CPLX2: variants seen among roughly 807,000 people sequenced by gnomAD.
CPLX2 encodes the protein complexin-2.
CPLX2 carries 5 observed loss-of-function variants against 16.3 expected under a neutral mutation model. The observed-to-expected ratio is 0.31, with a 90% confidence interval of 0.16 to 0.64. The LOEUF (loss-of-function observed/expected upper bound fraction) is 0.64. CPLX2 is among the 30% of genes least tolerant of loss of function. CPLX2 has a pLI of 0.79. For synonymous variants in CPLX2, 89 were observed against 73.2 expected, an observed-to-expected ratio of 1.22 and a Z score of -1.10; for missense variants, 144 against 181.4, an observed-to-expected ratio of 0.79 and a Z score of 1.18.
At chr5:175,869,969 A>C (rs114399374), upstream of CPLX2, among the ~76,000 whole-genome samples, 688 of 152,314 alleles carry the variant, frequency 4.5e-3, 6 homozygotes, top group East Asian at 0.033. Context: ...TTCTTGAAGC[A>C]CATGAAGAAA....
chr5:175,853,517 C>T (rs1018808576), intron 2 of CPLX2, among the ~76,000 whole-genome samples: 1 of 152,212 alleles, frequency 6.6e-6, no homozygotes, highest in African/African-American at 2.4e-5. Context: ...CTCTGGGCCC[C>T]AGTTCCAGCA....
chr5:175,871,853 G>A (rs1425333382), intron 1 of CPLX2, 148 bp downstream of exon 1: 1 of 152,530 alleles, frequency 6.6e-6, no homozygotes, highest in African/African-American at 2.4e-5. Flanking sequence ...GGCACCGGAT[G>A]GGGACTGAGA....
chr5:175,852,931 G>C (rs556024655), intron 2 of CPLX2, among the ~76,000 whole-genome samples: 1 of 152,354 alleles, frequency 6.6e-6, no homozygotes, highest in Non-Finnish European at 1.5e-5. Flanking sequence ...CAACACTCCA[G>C]TCATGTCTGT....
At chr5:175,839,528 G>A (rs562589825) in intron 2 of CPLX2, among the ~76,000 whole-genome samples, 46 of 152,142 alleles carry the variant, frequency 3.0e-4, no homozygotes, top group Admixed American at 1.5e-3. Context: ...CAGGTGATCC[G>A]CCCACCTCAG....
At chr5:175,866,266 A>G (rs1335371378) in intron 2 of CPLX2, among the ~76,000 whole-genome samples, 1 of 152,238 alleles carries the variant, frequency 6.6e-6, no homozygotes, top group Non-Finnish European at 1.5e-5. Context: ...AGAGGCCATC[A>G]GAGAAGAGTT....
At chr5:175,808,428 A>G (rs1295804445) in intron 1 of CPLX2, among the ~76,000 whole-genome samples, 1 of 151,990 alleles carries the variant, frequency 6.6e-6, no homozygotes, top group African/African-American at 2.4e-5. Flanking sequence ...GCCCCCTAGA[A>G]TCAAGCAGAG....
At chr5:175,857,542 C>G (rs554514558) in intron 2 of CPLX2, among the ~76,000 whole-genome samples, 5 of 152,312 alleles carry the variant, frequency 3.3e-5, no homozygotes, top group Admixed American at 6.5e-5. Context: ...CAGACACTTA[C>G]GTTAGCCCAG....
intron 2 of CPLX2, among the ~76,000 whole-genome samples, chr5:175,834,474 G>A (rs1263827767): frequency 6.6e-6 from 1 of 152,190 alleles, no homozygotes; most frequent in Non-Finnish European, 1.5e-5. Flanking sequence ...AGACAGACAT[G>A]GACAACTTCA....
At chr5:175,797,686 C>T (rs1423332831) in intron 1 of CPLX2, among the ~76,000 whole-genome samples, 1 of 152,156 alleles carries the variant, frequency 6.6e-6, no homozygotes, top group Non-Finnish European at 1.5e-5. Flanking sequence ...GGGACAGCTC[C>T]AGGCTCCCTC....
At chr5:175,797,659 G>A (rs753270968) in intron 1 of CPLX2, among the ~76,000 whole-genome samples, 2 of 152,108 alleles carry the variant, frequency 1.3e-5, no homozygotes, top group Non-Finnish European at 2.9e-5. Context: ...GAGAAGCCGC[G>A]GGGAAGCCTC....
At chr5:175,824,563 T>C (rs1218175891) in intron 2 of CPLX2, among the ~76,000 whole-genome samples, 1 of 152,172 alleles carries the variant, frequency 6.6e-6, no homozygotes, top group Admixed American at 6.5e-5. Flanking sequence ...CTCTGCAGTT[T>C]CAAATGACCT....
At chr5:175,816,715 C>T (rs996666433) in intron 2 of CPLX2, among the ~76,000 whole-genome samples, 4 of 152,234 alleles carry the variant, frequency 2.6e-5, no homozygotes, top group African/African-American at 9.6e-5. Context: ...GACACAGAAA[C>T]TTGCCAGCAT....
intron 2 of CPLX2, among the ~76,000 whole-genome samples, chr5:175,834,331 C>G (rs1185533983): frequency 6.6e-6 from 1 of 152,146 alleles, no homozygotes; most frequent in African/African-American, 2.4e-5. Context: ...TGACCCTGGT[C>G]ACAGAAATGT....
At chr5:175,832,535 C>T (rs1003124840) in intron 2 of CPLX2, among the ~76,000 whole-genome samples, 2 of 152,186 alleles carry the variant, frequency 1.3e-5, no homozygotes, top group East Asian at 1.9e-4. Context: ...GTCTCCTTAA[C>T]GGGCCTGTGA....
chr5:175,799,689 TA>T (rs1758057835), intron 1 of CPLX2, among the ~76,000 whole-genome samples: 1 of 150,426 alleles, frequency 6.6e-6, no homozygotes, highest in Non-Finnish European at 1.5e-5. Context: ...CTATTTTTTT[TA>T]TTTTTTTTAT....
intron 2 of CPLX2, among the ~76,000 whole-genome samples, chr5:175,860,498 AAAAGAAAGAAAGAAAGAAAAAG>A (rs147993750): frequency 3.1e-3 from 75 of 24,326 alleles, no homozygotes; most frequent in African/African-American, 0.01. Context: ...AGAAAGAAAG[AAAAGAAAGAAAGAAAGAAAAAG>A]AAAGAAAGAA....
chr5:175,873,808 T>A (rs1759693440), intron 1 of CPLX2, among the ~76,000 whole-genome samples: 2 of 152,242 alleles, frequency 1.3e-5, no homozygotes, highest in Admixed American at 1.3e-4. Context: ...ATAGGTGTTG[T>A]TGTCTCCATT....
rs1006101 is a variant in CPLX2 at position 175,880,883 on chromosome 5, T to C, written c.*838T>C. 0.54 allele frequency: 82,726 copies of C among 152,506 alleles called. 22,774 individuals are homozygous for C. Among genetic ancestry groups the C allele is most frequent in the African/African-American group, 0.59 (24,264 of 41,410 alleles). 9.4% of individuals were successfully genotyped at this position (152,506 alleles called of 1,614,324 possible). A position where few individuals can be genotyped will look rare whatever the true frequency, so the allele number is the denominator to read the frequency against. ...GATGGTCTATGCCATGGGGAACACC[T>C]CCATTGGTGTGGCCAAGCTGCCCCC... On this transcript the variant is annotated 3_prime_UTR_variant, in exon 4 of 4. Transcript: ENST00000393745.
chr5:175,876,799 A>G (rs1367953971), intron 1 of CPLX2, among the ~76,000 whole-genome samples: 1 of 152,216 alleles, frequency 6.6e-6, no homozygotes, highest in Non-Finnish European at 1.5e-5. Context: ...AGTTTCTGAA[A>G]TCACTTGATT....
Sources: allele counts gnomAD v4.1 joint callset (sites outside exome capture counted in the v4.1 genomes callset), GRCh38; gene constraint gnomAD v4.1.1; transcripts MANE v1.5; gene names NCBI Gene and HGNC (gene_info 2026-07-23, HGNC 2026-07-21).